Variants in ZNF438 observed in about 807,000 individuals in gnomAD.
ZNF438 encodes the protein zinc finger protein 438.
ZNF438 carries 25 observed loss-of-function variants against 38.0 expected under a neutral mutation model. The ratio of observed to expected loss-of-function variants is 0.66; its 90% CI spans 0.48 to 0.92. The LOEUF is 0.92. ZNF438 is among the 40% of genes least tolerant of loss of function. ZNF438 has a pLI of 0.00. For synonymous variants in ZNF438, 372 were observed against 364.1 expected (o/e 1.02, Z -0.25); for missense variants, 1,007 against 999.6 (o/e 1.01, Z -0.10).
chr10:30,891,769 A>G (rs1362830786), intron 3 of ZNF438, among the ~76,000 whole-genome samples: 3 of 152,184 alleles, frequency 2.0e-5, no homozygotes, highest in Non-Finnish European at 4.4e-5. Flanking sequence ...ATTTTAACAA[A>G]CAGGCCTATC....
At chr10:30,860,724 C>G (rs891233710) in intron 4 of ZNF438, among the ~76,000 whole-genome samples, 2 of 152,108 alleles carry the variant, frequency 1.3e-5, no homozygotes, top group African/African-American at 4.8e-5. Context: ...CAATTCAATG[C>G]GAATAGGGTT....
intron 4 of ZNF438, chr10:30,857,667 A>C: frequency 1.3e-6 from 2 of 1,506,152 alleles, no homozygotes; most frequent in Non-Finnish European, 1.8e-6. Context: ...TTATATTTGA[A>C]TTTGCCACTT....
chr10:30,892,178 A>C (rs1283961464), intron 3 of ZNF438, among the ~76,000 whole-genome samples: 1 of 152,210 alleles, frequency 6.6e-6, no homozygotes, highest in East Asian at 1.9e-4. Context: ...TGCTGGGGAT[A>C]CATTCCAAGA....
rs368842170 is a variant in ZNF438 at position 31,022,659 on chromosome 10, G to A, written c.-192+9174C>T. 3.5e-4 allele frequency among the ~76,000 whole-genome samples: 53 copies of A among 152,250 alleles called. 1 individual carries two copies. Among genetic ancestry groups the A allele is most frequent in the African/African-American group, 1.2e-3 (48 of 41,546 alleles). The stretch of plus-strand genomic sequence containing the variant: ...GAAAACTGCAACACCTGCAGCCAGC[G>A]TTGGTCAACAGAAAGGGCCCAATTC... On this transcript the variant is annotated intron_variant, in intron 1 of 5. Transcript: ENST00000413025.
chr10:30,977,670 G>C (rs1280755465), intron 1 of ZNF438, among the ~76,000 whole-genome samples: 2 of 152,098 alleles, frequency 1.3e-5, no homozygotes, highest in East Asian at 1.9e-4. Context: ...TAAACTCTAG[G>C]GGATCCATTC....
At chr10:30,934,287 C>T (rs530883853) in intron 2 of ZNF438, among the ~76,000 whole-genome samples, 5 of 152,260 alleles carry the variant, frequency 3.3e-5, no homozygotes, top group South Asian at 4.2e-4. Flanking sequence ...CTCCTTGATC[C>T]GTATCTGTGT....
At chr10:31,021,306 T>C (rs936735168) in intron 1 of ZNF438, among the ~76,000 whole-genome samples, 21 of 152,124 alleles carry the variant, frequency 1.4e-4, no homozygotes, top group African/African-American at 4.8e-4. Flanking sequence ...AACATCTCCA[T>C]AGGAAAATAA....
intron 2 of ZNF438, among the ~76,000 whole-genome samples, chr10:30,923,930 T>G (rs1223966468): frequency 2.0e-5 from 3 of 152,192 alleles, no homozygotes; most frequent in Non-Finnish European, 4.4e-5. Context: ...TAAGAGAGAA[T>G]TAACATCTTT....
At chr10:30,974,981 T>C (rs914891859) in intron 1 of ZNF438, among the ~76,000 whole-genome samples, 14 of 152,146 alleles carry the variant, frequency 9.2e-5, no homozygotes, top group African/African-American at 3.1e-4. Flanking sequence ...CCTAACCTGA[T>C]AATCCTGGAG....
chr10:31,029,731 CAGTT>C (rs1373806100), intron 1 of ZNF438, among the ~76,000 whole-genome samples: 5 of 152,148 alleles, frequency 3.3e-5, no homozygotes, highest in Non-Finnish European at 5.9e-5. Context: ...TTTTCCATCA[CAGTT>C]AGAACAACAT....
chr10:30,931,055 GT>G (rs1589256090), intron 2 of ZNF438, among the ~76,000 whole-genome samples: 1 of 152,132 alleles, frequency 6.6e-6, no homozygotes, highest in Non-Finnish European at 1.5e-5. Flanking sequence ...CATACCAAGG[GT>G]GGCCCACCAG....
chr10:30,940,767 A>G (rs188288114), intron 2 of ZNF438, among the ~76,000 whole-genome samples: 87 of 152,350 alleles, frequency 5.7e-4, no homozygotes, highest in African/African-American at 1.9e-3. Flanking sequence ...GGAGATCACT[A>G]TAAGAGTTGA....
intron 4 of ZNF438, among the ~76,000 whole-genome samples, chr10:30,856,883 C>G (rs1392561757): frequency 6.6e-6 from 1 of 152,072 alleles, no homozygotes; most frequent in African/African-American, 2.4e-5. Context: ...GTGACATTTA[C>G]AGTTGGTGAG....
chr10:30,960,695 T>C lies in ZNF438; in HGVS notation c.-191-19044A>G, dbSNP rs1224110268. ...GAGTTTTGAAATGGGGATGTATAAA[T>C]CCTCCAATTTTGTTCTTTTACTCAT... On this transcript the variant is annotated intron_variant, in intron 1 of 5. Transcript: ENST00000413025. 4.8e-5 allele frequency among the ~76,000 whole-genome samples: 7 copies of C among 146,914 alleles called. 1 individual carries two copies. In the East Asian group the frequency reaches 1.4e-3, roughly 28 times the overall value.
At chr10:30,936,077 T>A (rs556385651) in intron 2 of ZNF438, among the ~76,000 whole-genome samples, 1 of 152,140 alleles carries the variant, frequency 6.6e-6, no homozygotes, top group South Asian at 2.1e-4. Flanking sequence ...ATAAAAGCCA[T>A]GAAGATTTCT....
At chr10:30,897,113 G>A (rs1057163649) in intron 3 of ZNF438, among the ~76,000 whole-genome samples, 2 of 152,086 alleles carry the variant, frequency 1.3e-5, no homozygotes, top group Non-Finnish European at 2.9e-5. Flanking sequence ...TTTTTGAATT[G>A]TATAATGTTT....
chr10:30,907,597 T>C (rs1263504388), intron 3 of ZNF438, among the ~76,000 whole-genome samples: 1 of 152,190 alleles, frequency 6.6e-6, no homozygotes, highest in African/African-American at 2.4e-5. Context: ...TTTGGTAGTT[T>C]TTGTTTTTTA....
intron 1 of ZNF438, among the ~76,000 whole-genome samples, chr10:30,952,332 T>C (rs1286591722): frequency 2.6e-5 from 4 of 151,098 alleles, no homozygotes; most frequent in East Asian, 2.0e-4. Flanking sequence ...ATTCAGGACA[T>C]AGGCATGGGC....
intron 1 of ZNF438, among the ~76,000 whole-genome samples, chr10:30,957,188 C>G (rs781619327): frequency 5.9e-5 from 9 of 152,142 alleles, no homozygotes; most frequent in Non-Finnish European, 1.0e-4. Context: ...TGCATGTCTT[C>G]TTTTGAGAAA....
Sources: allele counts gnomAD v4.1 joint callset (sites outside exome capture counted in the v4.1 genomes callset), GRCh38; gene constraint gnomAD v4.1.1; transcripts MANE v1.5; gene names NCBI Gene and HGNC (gene_info 2026-07-23, HGNC 2026-07-21).